The following COL4A6 variants were observed in gnomAD, a reference collection of about 807,000 sequenced individuals.
COL4A6 encodes the protein collagen alpha-6(IV) chain.
In COL4A6, 59 loss-of-function variants were observed where a neutral mutation model predicts 126.7. The ratio of observed to expected loss-of-function variants is 0.47; its 90% confidence interval spans 0.38 to 0.58. The LOEUF (loss-of-function observed/expected upper bound fraction) is 0.58, where lower values mean the gene tolerates loss of function less well. COL4A6 is among the 20% of genes least tolerant of loss of function. The pLI is 0.00. For missense variants in COL4A6, 1,285 were observed against 1,337.3 expected (o/e 0.96, Z 0.61); for synonymous variants, 547 against 496.6 (o/e 1.10, Z -1.35).
At chrX:108,336,763 C>T (rs979682609) in intron 2 of COL4A6, among the ~76,000 whole-genome samples, 7 of 111,039 alleles carry the variant, frequency 6.3e-5, no homozygotes, top group Admixed American at 3.8e-4. Flanking sequence ...TGCATGTCTC[C>T]GCTCATGGTT....
intron 13 of COL4A6, 30 bp downstream of exon 13, chrX:108,202,898 T>A: frequency 8.6e-7 from 1 of 1,166,476 alleles, no homozygotes; most frequent in Non-Finnish European, 1.2e-6. Flanking sequence ...CAGACCCTTG[T>A]ATACATATTG....
intron 26 of COL4A6, 125 bp from the exon 27 acceptor site, chrX:108,178,970 C>A: frequency 2.4e-6 from 2 of 825,135 alleles, no homozygotes; most frequent in South Asian, 5.6e-5. Context: ...TTGCTATTCC[C>A]AGCCGTAACC....
chrX:108,384,301 T>G (rs60753937), intron 2 of COL4A6, among the ~76,000 whole-genome samples: 8,050 of 111,798 alleles, frequency 0.072, 640 homozygotes, highest in African/African-American at 0.23. Flanking sequence ...CTATTCATCT[T>G]AACTCTCCAT....
chrX:108,291,915 T>C (rs1425538687), intron 3 of COL4A6, among the ~76,000 whole-genome samples: 2 of 112,054 alleles, frequency 1.8e-5, no homozygotes. Context: ...ATGTGTATTG[T>C]ATTGTTTATT....
At chrX:108,238,112 G>T (rs11795569) in intron 3 of COL4A6, among the ~76,000 whole-genome samples, 8,202 of 93,641 alleles carry the variant, frequency 0.088, 816 homozygotes, top group African/African-American at 0.27. Context: ...GTGTGTGTGT[G>T]TTTTTTTTTT....
intron 28 of COL4A6, among the ~76,000 whole-genome samples, chrX:108,176,057 G>T (rs759440441): frequency 1.8e-5 from 2 of 110,903 alleles, no homozygotes; most frequent in East Asian, 2.8e-4. Context: ...CGGGCACAGT[G>T]GGTCACACTG....
At chrX:108,290,476 A>G (rs2038130629) in intron 3 of COL4A6, among the ~76,000 whole-genome samples, 1 of 112,440 alleles carries the variant, frequency 8.9e-6, no homozygotes, top group African/African-American at 3.2e-5. Flanking sequence ...TATGTATTAA[A>G]ATGTGACATA....
intron 12 of COL4A6, 128 bp downstream of exon 12, chrX:108,204,192 C>G (rs2035475405): frequency 2.2e-6 from 1 of 464,483 alleles, no homozygotes; most frequent in Admixed American, 5.2e-5. Flanking sequence ...ACTCTCACTT[C>G]TAAACAAAAA....
intron 2 of COL4A6, among the ~76,000 whole-genome samples, chrX:108,329,572 C>T (rs188712243): frequency 9.0e-6 from 1 of 110,964 alleles, no homozygotes. Flanking sequence ...TCATAACTTA[C>T]TTTTAAGAGA....
chrX:108,231,193 T>A (rs2036295565), intron 3 of COL4A6, among the ~76,000 whole-genome samples: 1 of 112,155 alleles, frequency 8.9e-6, no homozygotes, highest in Non-Finnish European at 1.9e-5. Flanking sequence ...AGTCTCCCCC[T>A]CAACACTCAA....
At chrX:108,178,932 T>C in intron 26 of COL4A6, 87 bp from the exon 27 acceptor site, 1 of 1,001,204 alleles carries the variant, frequency 1.0e-6, no homozygotes, top group Non-Finnish European at 1.3e-6. Flanking sequence ...TTATCCCAGG[T>C]GCCACTGTCT....
intron 3 of COL4A6, among the ~76,000 whole-genome samples, chrX:108,234,691 G>T (rs2036392572): frequency 1.8e-5 from 2 of 111,916 alleles, no homozygotes; most frequent in Non-Finnish European, 3.8e-5. Flanking sequence ...GCATAGAAAG[G>T]CAGGAGGGAT....
chrX:108,198,441 AAAAAATGT>A (rs2035288692), intron 13 of COL4A6, among the ~76,000 whole-genome samples: 1 of 111,152 alleles, frequency 9.0e-6, no homozygotes, highest in African/African-American at 3.3e-5. Context: ...AATATGTAAA[AAAAAATGT>A]AAAAAGGAAA....
chrX:108,190,015 G>A (rs770400085), intron 20 of COL4A6, among the ~76,000 whole-genome samples: 1 of 112,435 alleles, frequency 8.9e-6, no homozygotes, highest in East Asian at 2.8e-4. Context: ...TGTTCTCCTG[G>A]AGCCAGTTGG....
At chrX:108,346,095 C>T (rs925012130) in intron 2 of COL4A6, among the ~76,000 whole-genome samples, 7 of 111,416 alleles carry the variant, frequency 6.3e-5, no homozygotes, top group African/African-American at 2.3e-4. Context: ...ACTGGAGGGT[C>T]AACTGGTTCC....
chrX:108,437,882 A>T, intron 2 of COL4A6, 60 bp downstream of exon 2: 1 of 1,161,620 alleles, frequency 8.6e-7, no homozygotes, highest in Non-Finnish European at 1.2e-6. Context: ...AATACTAGAG[A>T]TGGGGATGGT....
Position 108,370,318 on chromosome X carries a change from G to A in COL4A6, c.64-59490C>T, listed in dbSNP as rs191098759. On this transcript the variant is annotated intron_variant, in intron 2 of 44. Coordinates refer to ENST00000334504, the MANE Select transcript of COL4A6 (RefSeq NM_033641.4). ...CTCCCTTTATTTTCTTCAAGTACCT[G>A]GAGCTCTGCCTCCTCACAAATTCAG... is the stretch of plus-strand genomic sequence containing the variant. Among the ~76,000 whole-genome samples the A allele has an allele frequency of 1.4e-4, 16 of 111,656 alleles. No homozygotes were observed. In the Admixed American group the frequency reaches 1.5e-3, roughly 11 times the overall value.
At chrX:108,356,587 T>A (rs2039965505) in intron 2 of COL4A6, among the ~76,000 whole-genome samples, 1 of 111,032 alleles carries the variant, frequency 9.0e-6, no homozygotes, top group Admixed American at 9.6e-5. Context: ...ATTTATCAAG[T>A]TACCCCTGAG....
At chrX:108,433,660 A>C (rs1373816619) in intron 2 of COL4A6, among the ~76,000 whole-genome samples, 1 of 110,370 alleles carries the variant, frequency 9.1e-6, no homozygotes, top group Non-Finnish European at 1.9e-5. Flanking sequence ...AGTAGATAGG[A>C]CTATAGGCGT....
Sources: gnomAD v4.1 joint callset for allele counts (sites outside exome capture counted in the v4.1 genomes callset) on GRCh38, gnomAD v4.1.1 for gene constraint, MANE v1.5 for transcripts, NCBI Gene and HGNC (gene_info 2026-07-23, HGNC 2026-07-21) for gene names.